Variants in PIK3CA observed in about 807,000 individuals in gnomAD.
The protein encoded by PIK3CA is phosphatidylinositol 4,5-bisphosphate 3-kinase catalytic subunit alpha isoform.
In PIK3CA, 27 loss-of-function variants were observed where a neutral mutation model predicts 138.2. The ratio of observed to expected loss-of-function variants is 0.20; its 90% CI spans 0.14 to 0.27. The LOEUF is 0.27. Ranked by LOEUF, PIK3CA falls within the 10% of genes least tolerant of loss-of-function variation. The pLI is 1.00. For missense variants in PIK3CA, 544 were observed against 1,277.4 expected (o/e 0.43, Z 8.75); for synonymous variants, 358 against 413.2 (o/e 0.87, Z 1.62).
At chr3:179,152,293 T>C (rs539377901) in intron 1 of PIK3CA, among the ~76,000 whole-genome samples, 2 of 152,296 alleles carry the variant, frequency 1.3e-5, no homozygotes, top group South Asian at 4.1e-4. Context: ...TATATAGTAC[T>C]GCACTGGAAA....
Position 179,221,151 on chromosome 3 carries a change from A to T in PIK3CA, c.2181A>T (p.Thr727=), listed in dbSNP as rs116336243. The change falls in exon 14 of 21, where the codon ACA becomes ACT. Residue 727 remains threonine, a synonymous_variant. Coordinates refer to ENST00000263967, the MANE Select transcript of PIK3CA (RefSeq NM_006218.4). ...TCAAACAGGAGAAGAAGGATGAAAC[A>T]CAAAAGGTGTGTGACTCTAGTTTGT... ...DILKQEKKDE[T]QKVQMKFLVE... 1.8e-4 allele frequency: 287 copies of T among 1,612,034 alleles called. No homozygotes were observed. The African/African-American group carries it at 3.3e-3, about 19-fold the overall frequency.
intron 1 of PIK3CA, among the ~76,000 whole-genome samples, chr3:179,197,102 G>C (rs139727968): frequency 6.6e-6 from 1 of 151,838 alleles, no homozygotes; most frequent in South Asian, 2.1e-4. Flanking sequence ...GCAGTGGAGC[G>C]ATCTCGGCTC....
chr3:179,160,207 TTAA>T (rs1723241626), intron 1 of PIK3CA, among the ~76,000 whole-genome samples: 1 of 152,232 alleles, frequency 6.6e-6, no homozygotes, highest in African/African-American at 2.4e-5. Flanking sequence ...GTCAGCTCCA[TTAA>T]TCTTACGGGA....
At chr3:179,187,776 T>G (rs1724028993) in intron 1 of PIK3CA, among the ~76,000 whole-genome samples, 1 of 151,502 alleles carries the variant, frequency 6.6e-6, no homozygotes, top group African/African-American at 2.4e-5. Context: ...TAGCTGGGAC[T>G]ACAGGCGCCC....
At chr3:179,165,502 C>T (rs1297843042) in intron 1 of PIK3CA, among the ~76,000 whole-genome samples, 1 of 152,088 alleles carries the variant, frequency 6.6e-6, no homozygotes, top group East Asian at 1.9e-4. Context: ...AGTAGTCCTC[C>T]CACCTCCACC....
chr3:179,197,541 G>T (rs1724299890), intron 1 of PIK3CA, among the ~76,000 whole-genome samples: 1 of 152,182 alleles, frequency 6.6e-6, no homozygotes, highest in Non-Finnish European at 1.5e-5. Flanking sequence ...GAAGGCAAGG[G>T]CCATGTCTAT....
At chr3:179,157,288 A>T (rs766923407) in intron 1 of PIK3CA, among the ~76,000 whole-genome samples, 5 of 152,202 alleles carry the variant, frequency 3.3e-5, no homozygotes, top group Non-Finnish European at 7.4e-5. Context: ...TATGGTATTT[A>T]TGAAAGTGAT....
At chr3:179,168,960 G>A (rs1723485459) in intron 1 of PIK3CA, 1 of 151,626 alleles carries the variant, frequency 6.6e-6, no homozygotes, top group Non-Finnish European at 1.5e-5. Flanking sequence ...TTACCATTGT[G>A]ATTATTGTAG....
At chr3:179,212,440 C>A (rs1724738344) in intron 9 of PIK3CA, among the ~76,000 whole-genome samples, 1 of 151,238 alleles carries the variant, frequency 6.6e-6, no homozygotes, top group African/African-American at 2.4e-5. Flanking sequence ...GAAACCCCGT[C>A]TCTACTAAAA....
At position 179,235,187 on chromosome 3, in the gene PIK3CA, T is replaced by C. The variant is rs1576950518; in HGVS notation, c.*823T>C. 2 of 186,480 alleles carry C rather than the reference T, an allele frequency of 1.1e-5. No homozygotes were observed. Among genetic ancestry groups the C allele is most frequent in the Non-Finnish European group, 2.3e-5 (2 of 88,364 alleles). The allele number at this position is 186,480 out of a possible 1,614,324, so 11.6% of individuals were successfully genotyped here. On this transcript the variant is annotated 3_prime_UTR_variant, in exon 21 of 21. Transcript: ENST00000263967. Reference sequence around the variant, plus strand: ...TAGTTCTTATTCCAGAATTGTACAGTATTCACCTTAAGTTGATTTTTTTTC... The same window carrying C: ...TAGTTCTTATTCCAGAATTGTACAGCATTCACCTTAAGTTGATTTTTTTTC...
chr3:179,173,406 A>T (rs1723612059), intron 1 of PIK3CA, among the ~76,000 whole-genome samples: 1 of 118,886 alleles, frequency 8.4e-6, no homozygotes, highest in Non-Finnish European at 1.8e-5. Flanking sequence ...TAAAAATACA[A>T]AAAAAAAAAA....
chr3:179,216,193 A>G (rs1444178507), intron 9 of PIK3CA, among the ~76,000 whole-genome samples: 1 of 152,220 alleles, frequency 6.6e-6, no homozygotes, highest in Non-Finnish European at 1.5e-5. Context: ...TCTCAAACTC[A>G]GGATAATGAT....
chr3:179,231,877 A>G (rs1725221971), intron 20 of PIK3CA, among the ~76,000 whole-genome samples: 3 of 151,938 alleles, frequency 2.0e-5, no homozygotes, highest in Admixed American at 2.0e-4. Context: ...TCCTGACCTC[A>G]GGTGATCCAC....
At chr3:179,191,443 G>C (rs1576928548) in intron 1 of PIK3CA, among the ~76,000 whole-genome samples, 1 of 152,178 alleles carries the variant, frequency 6.6e-6, no homozygotes, top group Non-Finnish European at 1.5e-5. Context: ...TTCTATACTT[G>C]TGGAACATAA....
At chr3:179,177,555 C>T (rs992658899) in intron 1 of PIK3CA, among the ~76,000 whole-genome samples, 1 of 152,036 alleles carries the variant, frequency 6.6e-6, no homozygotes, top group African/African-American at 2.4e-5. Flanking sequence ...TCAGGTGATC[C>T]GCCCGCCTTG....
rs539846668 is a variant in PIK3CA at position 179,168,207 on chromosome 3, G to A, written c.-77+19604G>A. 3.9e-5 allele frequency among the ~76,000 whole-genome samples: 6 copies of A among 152,236 alleles called. No homozygotes were observed. The South Asian group carries it at 1.2e-3, about 32-fold the overall frequency. ...TTAATCAATTAAGTGCCTTAGAATTGGTTCAGGGGAAGTAAAACTTTGGAA... is the reference window on the plus strand; with the variant it reads ...TTAATCAATTAAGTGCCTTAGAATTAGTTCAGGGGAAGTAAAACTTTGGAA... On this transcript the variant is annotated intron_variant, in intron 1 of 20. Transcript: ENST00000263967.
At chr3:179,173,388 G>T (rs929994063) in intron 1 of PIK3CA, among the ~76,000 whole-genome samples, 1 of 120,440 alleles carries the variant, frequency 8.3e-6, no homozygotes, top group Non-Finnish European at 1.6e-5. Context: ...GTGAAACCCC[G>T]TCTCTGCTAA....
In PIK3CA at chr3:179,229,442, T is replaced by C. The variant is rs1064796841; in HGVS notation, c.2666T>C (p.Ile889Thr). Residue 889 changes from isoleucine (I) to threonine (T), a missense_variant and splice_region_variant, in exon 18 of 21, where the codon ATA (isoleucine) becomes ACA (threonine). Physicochemically the swap from Ile to Thr is moderately conservative, Grantham distance 89 (BLOSUM62 -1). Transcript: ENST00000263967. Reference sequence around the variant, plus strand: ...CTCAAAGACAAGAACAAAGGAGAAATGTGAGTTGTATTATTCTTTCTTCCT... The same window carrying C: ...CTCAAAGACAAGAACAAAGGAGAAACGTGAGTTGTATTATTCTTTCTTCCT... ...QWLKDKNKGEIYDAAIDLFTR... is the reference protein window; with the variant it reads ...QWLKDKNKGETYDAAIDLFTR... 4 of 1,608,696 alleles carry C rather than the reference T, an allele frequency of 2.5e-6. No individual in the cohort carries two copies. Among genetic ancestry groups the C allele is most frequent in the Non-Finnish European group, 3.4e-6 (4 of 1,177,652 alleles).
intron 1 of PIK3CA, among the ~76,000 whole-genome samples, chr3:179,156,532 G>A (rs571294335): frequency 2.0e-4 from 31 of 152,266 alleles, no homozygotes; most frequent in African/African-American, 7.5e-4. Flanking sequence ...AAATCTGTAG[G>A]CATGGTAAGC....
Sources: gnomAD v4.1 joint callset for allele counts (sites outside exome capture counted in the v4.1 genomes callset) on GRCh38, gnomAD v4.1.1 for gene constraint, MANE v1.5 for transcripts, NCBI Gene and HGNC (gene_info 2026-07-23, HGNC 2026-07-21) for gene names.